ANKRD30A: variants seen among roughly 807,000 people sequenced by gnomAD.
ANKRD30A encodes ankyrin repeat domain 30A, also known as ankyrin repeat domain-containing protein 30A.
Under a neutral mutation model 166.3 loss-of-function variants are expected in ANKRD30A, and 170 were observed. The ratio of observed to expected loss-of-function variants is 1.02; its 90% CI spans 0.90 to 1.16. ANKRD30A has a LOEUF of 1.16. Ranked by LOEUF, ANKRD30A falls within the 50% of genes most tolerant of loss-of-function variation. The probability of loss-of-function intolerance (pLI) is 0.00; values close to 1 mark genes in which losing one functional copy is unlikely to be tolerated. For missense variants in ANKRD30A, 1,630 were observed against 1,518.0 expected, an observed-to-expected ratio of 1.07 and a Z score of -1.23; for synonymous variants, 564 against 508.9, an observed-to-expected ratio of 1.11 and a Z score of -1.46.
the ANKRD30A span, among the ~76,000 whole-genome samples, chr10:37,250,042 G>A: frequency 6.6e-6 from 1 of 152,086 alleles, no homozygotes; most frequent in African/African-American, 2.4e-5. Context: ...CAAGATTGTG[G>A]CATATCTATG....
chr10:37,249,921 A>G, the ANKRD30A span, among the ~76,000 whole-genome samples: 1 of 152,194 alleles, frequency 6.6e-6, no homozygotes. Flanking sequence ...GAGTAGTAGA[A>G]GGAAAACTAC....
chr10:37,178,906 G>T (rs1839945980), intron 24 of ANKRD30A, among the ~76,000 whole-genome samples: 2 of 150,616 alleles, frequency 1.3e-5, no homozygotes, highest in Admixed American at 6.6e-5. Flanking sequence ...TTTTACTGCA[G>T]AATGTTAGAG....
chr10:37,239,457 C>T, the ANKRD30A span, among the ~76,000 whole-genome samples: 3 of 151,958 alleles, frequency 2.0e-5, no homozygotes, highest in Non-Finnish European at 2.9e-5. Context: ...CCACTTTCTT[C>T]GTGTGTGTAT....
chr10:37,230,272 AT>A (rs1461781814), intron 34 of ANKRD30A, among the ~76,000 whole-genome samples: 1 of 152,066 alleles, frequency 6.6e-6, no homozygotes, highest in Non-Finnish European at 1.5e-5. Flanking sequence ...AATTAAGCTC[AT>A]TAATTTGCCT....
chr10:37,193,293 A>G (rs778839649), intron 27 of ANKRD30A, 35 bp downstream of exon 27: 17 of 1,583,710 alleles, frequency 1.1e-5, no homozygotes, highest in South Asian at 2.3e-5. Flanking sequence ...CTCTGGAAAG[A>G]AGAATATTAA....
At chr10:37,134,248 G>T in intron 5 of ANKRD30A, among the ~76,000 whole-genome samples, 195 bp downstream of exon 5, 1 of 152,100 alleles carries the variant, frequency 6.6e-6, no homozygotes, top group East Asian at 1.9e-4. Context: ...TTGTCTACTT[G>T]ATTTTTCTAA....
intron 31 of ANKRD30A, among the ~76,000 whole-genome samples, chr10:37,212,907 A>G (rs1251076839): frequency 2.0e-5 from 3 of 151,728 alleles, no homozygotes; most frequent in Admixed American, 6.6e-5. Context: ...AATTTTGTCT[A>G]AGTTGTCATG....
At chr10:37,254,876 G>A in the ANKRD30A span, among the ~76,000 whole-genome samples, 1 of 151,796 alleles carries the variant, frequency 6.6e-6, no homozygotes, top group African/African-American at 2.4e-5. Flanking sequence ...TAGAGACGGG[G>A]CTTCACCGTG....
the ANKRD30A span, among the ~76,000 whole-genome samples, chr10:37,251,870 A>C: frequency 6.6e-6 from 1 of 152,144 alleles, no homozygotes; most frequent in South Asian, 2.1e-4. Flanking sequence ...GAATTTTTCC[A>C]CTCAAGCAAT....
the ANKRD30A span, among the ~76,000 whole-genome samples, chr10:37,240,426 G>A: frequency 7.9e-5 from 12 of 152,074 alleles, no homozygotes; most frequent in Non-Finnish European, 1.2e-4. Context: ...AAGCAGTCAC[G>A]TGACTGGTGA....
At chr10:37,127,859 T>C (rs1588735222) in intron 1 of ANKRD30A, among the ~76,000 whole-genome samples, 2 of 152,144 alleles carry the variant, frequency 1.3e-5, no homozygotes, top group South Asian at 4.1e-4. Flanking sequence ...GTAAGTACCA[T>C]ATTTAAAAAA....
At chr10:37,217,233 G>C (rs1367501624) in intron 32 of ANKRD30A, among the ~76,000 whole-genome samples, 3 of 150,686 alleles carry the variant, frequency 2.0e-5, no homozygotes, top group African/African-American at 4.8e-5. Context: ...ATTATTTTTA[G>C]GGATACTTGC....
chr10:37,197,554 A>T, intron 29 of ANKRD30A, 74 bp downstream of exon 29: 2 of 1,599,892 alleles, frequency 1.3e-6, no homozygotes, highest in South Asian at 2.2e-5. Flanking sequence ...TCTATCCCCA[A>T]TGCTTTATTT....
intron 25 of ANKRD30A, among the ~76,000 whole-genome samples, chr10:37,192,280 G>C (rs936299454): frequency 2.0e-5 from 3 of 151,934 alleles, no homozygotes; most frequent in African/African-American, 7.3e-5. Context: ...CTGGCCTCCA[G>C]AGATCCGCCC....
the ANKRD30A span, among the ~76,000 whole-genome samples, chr10:37,248,624 T>G: frequency 6.6e-6 from 1 of 152,084 alleles, no homozygotes; most frequent in Non-Finnish European, 1.5e-5. Context: ...TTGCTAGGTT[T>G]GTCATTTTAA....
intron 18 of ANKRD30A, among the ~76,000 whole-genome samples, chr10:37,165,905 G>A (rs17590666): frequency 0.34 from 52,222 of 151,506 alleles, 9,661 homozygotes; most frequent in Non-Finnish European, 0.41. Flanking sequence ...AGCAAAGGGT[G>A]GAAGTCAATA....
At chr10:37,236,453 C>T (rs140483888), downstream of ANKRD30A, among the ~76,000 whole-genome samples, 133 of 152,282 alleles carry the variant, frequency 8.7e-4, no homozygotes, top group African/African-American at 2.8e-3. Context: ...TGACAGTCAA[C>T]GCAAACTCAT....
chr10:37,257,842 A>G, the ANKRD30A span, among the ~76,000 whole-genome samples: 1 of 152,214 alleles, frequency 6.6e-6, no homozygotes, highest in African/African-American at 2.4e-5. Context: ...GGAAGCCATC[A>G]TTCTCAGCGG....
At chr10:37,126,252 T>G (rs1379797220) in intron 1 of ANKRD30A, among the ~76,000 whole-genome samples, 2 of 152,188 alleles carry the variant, frequency 1.3e-5, no homozygotes, top group Admixed American at 6.5e-5. Flanking sequence ...CCCCAAACTT[T>G]AGCTGCTTTC....
Sources: gnomAD v4.1 joint callset for allele counts (sites outside exome capture counted in the v4.1 genomes callset) on GRCh38, gnomAD v4.1.1 for gene constraint, MANE v1.5 for transcripts, NCBI Gene and HGNC (gene_info 2026-07-23, HGNC 2026-07-21) for gene names.